Variants in CACNA1E observed in about 807,000 individuals in gnomAD.
The protein encoded by CACNA1E is calcium voltage-gated channel subunit alpha1 E.
Under a neutral mutation model 259.2 loss-of-function variants are expected in CACNA1E, and 40 were observed. The ratio of observed to expected loss-of-function variants is 0.15; its 90% CI spans 0.12 to 0.20. The LOEUF (loss-of-function observed/expected upper bound fraction) is 0.20. Ranked by LOEUF, CACNA1E falls within the 10% of genes least tolerant of loss-of-function variation. CACNA1E has a pLI of 1.00. For missense variants in CACNA1E, 1,874 were observed against 3,040.1 expected, an observed-to-expected ratio of 0.62 and a Z score of 9.02; for synonymous variants, 1,104 against 1,138.5, an observed-to-expected ratio of 0.97 and a Z score of 0.61.
chr1:181,787,496 C>A (rs1398733719), intron 43 of CACNA1E, among the ~76,000 whole-genome samples: 2 of 152,186 alleles, frequency 1.3e-5, no homozygotes, highest in Admixed American at 6.5e-5. Context: ...TAACCCACCA[C>A]CATAGGATCA....
At position 181,756,073 on chromosome 1, in the gene CACNA1E, C is replaced by T. The variant is rs772892518; in HGVS notation, c.4107C>T (p.Ser1369=). ...CCCTGCTGACCCTCTTCACCGTCTC[C>T]ACAGGGGAAGGATGGCCTCAGTGAG... ...IWALLTLFTV[S]TGEGWPQVLQ... Residue 1369 remains serine, a synonymous_variant, in exon 29 of 48, where the codon TCC becomes TCT. Transcript: ENST00000367573. 3.6e-5 allele frequency: 58 copies of T among 1,613,414 alleles called. No homozygotes were observed. Among genetic ancestry groups the T allele is most frequent in the Non-Finnish European group, 4.7e-5 (56 of 1,179,624 alleles).
At chr1:181,355,861 C>T (rs1653391400) in intron 1 of CACNA1E, among the ~76,000 whole-genome samples, 1 of 152,138 alleles carries the variant, frequency 6.6e-6, no homozygotes. Context: ...GAAAGTGAAG[C>T]ATCTCAGGGA....
chr1:181,599,491 A>G (rs1471111660), intron 6 of CACNA1E, among the ~76,000 whole-genome samples: 4 of 152,182 alleles, frequency 2.6e-5, no homozygotes, highest in African/African-American at 9.7e-5. Flanking sequence ...ATATAAATTG[A>G]GTGCTTTTGG....
intron 1 of CACNA1E, among the ~76,000 whole-genome samples, chr1:181,371,786 A>C (rs1180154221): frequency 2.0e-5 from 3 of 152,188 alleles, no homozygotes; most frequent in Non-Finnish European, 4.4e-5. Flanking sequence ...AGGGATCTAG[A>C]TTCAATCTTC....
chr1:181,424,163 A>G (rs1336650320), intron 2 of CACNA1E, among the ~76,000 whole-genome samples: 1 of 152,242 alleles, frequency 6.6e-6, no homozygotes, highest in East Asian at 1.9e-4. Context: ...ACCAACAGCA[A>G]GTTTGAAAAC....
intron 2 of CACNA1E, among the ~76,000 whole-genome samples, chr1:181,442,723 C>T (rs1296687143): frequency 6.6e-6 from 1 of 152,140 alleles, no homozygotes; most frequent in Non-Finnish European, 1.5e-5. Flanking sequence ...CAGATAAACT[C>T]AAAGGCCCTC....
chr1:181,517,751 C>T (rs1053646793), intron 3 of CACNA1E, among the ~76,000 whole-genome samples: 34 of 152,018 alleles, frequency 2.2e-4, no homozygotes, highest in Admixed American at 2.0e-4. Context: ...TAGGAGGATG[C>T]TATCTAGAGC....
chr1:181,629,237 T>G (rs948796220), intron 6 of CACNA1E, among the ~76,000 whole-genome samples: 3 of 152,172 alleles, frequency 2.0e-5, no homozygotes, highest in Non-Finnish European at 2.9e-5. Flanking sequence ...AGTTTCAGTC[T>G]CAGGACAAGC....
intron 7 of CACNA1E, among the ~76,000 whole-genome samples, chr1:181,693,771 G>A (rs1047221540): frequency 7.2e-5 from 11 of 152,098 alleles, no homozygotes; most frequent in African/African-American, 2.4e-4. Context: ...ATCTGCACAT[G>A]TACCCTCTGA....
At chr1:181,708,986 G>A (rs941765287) in intron 7 of CACNA1E, among the ~76,000 whole-genome samples, 4 of 152,148 alleles carry the variant, frequency 2.6e-5, no homozygotes, top group South Asian at 2.1e-4. Context: ...GAGACCAGCC[G>A]GGTGCTATTG....
chr1:181,693,141 A>C (rs925878406), intron 7 of CACNA1E, among the ~76,000 whole-genome samples: 5 of 151,278 alleles, frequency 3.3e-5, no homozygotes, highest in Non-Finnish European at 5.9e-5. Flanking sequence ...AAAAAAAAAA[A>C]AAAAAAAAAC....
At chr1:181,449,604 G>T (rs756974676) in intron 2 of CACNA1E, among the ~76,000 whole-genome samples, 6 of 152,184 alleles carry the variant, frequency 3.9e-5, no homozygotes, top group African/African-American at 7.2e-5. Context: ...AGAGTCAGAA[G>T]TGTGCATGAA....
At chr1:181,336,585 T>C (rs186163624) in intron 1 of CACNA1E, among the ~76,000 whole-genome samples, 1 of 152,362 alleles carries the variant, frequency 6.6e-6, no homozygotes, top group African/African-American at 2.4e-5. Context: ...ACATAAAATT[T>C]ATCATGTTAG....
chr1:181,746,789 C>T (rs145688085), intron 25 of CACNA1E, among the ~76,000 whole-genome samples: 32 of 152,146 alleles, frequency 2.1e-4, no homozygotes, highest in Middle Eastern at 3.4e-3. Flanking sequence ...TTGGTTAAAA[C>T]GCTCCAGTGG....
At chr1:181,734,947 G>A (rs1655898525) in intron 21 of CACNA1E, among the ~76,000 whole-genome samples, 1 of 152,144 alleles carries the variant, frequency 6.6e-6, no homozygotes, top group Non-Finnish European at 1.5e-5. Flanking sequence ...TGATCTCTGT[G>A]CATTAATCCC....
At chr1:181,531,713 A>G (rs1667795713) in intron 3 of CACNA1E, among the ~76,000 whole-genome samples, 2 of 152,202 alleles carry the variant, frequency 1.3e-5, no homozygotes, top group Non-Finnish European at 2.9e-5. Context: ...CAGGAGCAGT[A>G]AGAGTGTGGG....
At chr1:181,664,854 G>T (rs1648059788) in intron 7 of CACNA1E, among the ~76,000 whole-genome samples, 1 of 152,134 alleles carries the variant, frequency 6.6e-6, no homozygotes, top group Admixed American at 6.6e-5. Flanking sequence ...AAGGAATAGA[G>T]AAATCAGTAA....
intron 1 of CACNA1E, among the ~76,000 whole-genome samples, chr1:181,324,377 C>T (rs764940270): frequency 1.2e-4 from 18 of 151,922 alleles, no homozygotes; most frequent in African/African-American, 3.6e-4. Context: ...ATATTTAAGC[C>T]GAAGATCAGA....
intron 1 of CACNA1E, among the ~76,000 whole-genome samples, chr1:181,323,022 G>A (rs12131176): frequency 0.22 from 32,848 of 152,086 alleles, 3,729 homozygotes; most frequent in Non-Finnish European, 0.24. Context: ...AAAAATCTAG[G>A]GCTGCACCGA....
Sources: allele counts gnomAD v4.1 joint callset (sites outside exome capture counted in the v4.1 genomes callset), GRCh38; gene constraint gnomAD v4.1.1; transcripts MANE v1.5; gene names NCBI Gene and HGNC (gene_info 2026-07-23, HGNC 2026-07-21).